RALYL: variants seen among roughly 807,000 people sequenced by gnomAD.
RALYL encodes the protein RALY RNA binding protein like, also known as RNA-binding Raly-like protein.
A neutral mutation model predicts 35.1 loss-of-function variants in RALYL; 29 were observed. The observed-to-expected ratio is 0.83, with a 90% confidence interval of 0.61 to 1.13. RALYL has a LOEUF of 1.13. Among genes scored for constraint, RALYL ranks in the 50% most tolerant of loss-of-function variants. RALYL has a pLI of 0.00. For missense variants in RALYL, 359 were observed against 360.4 expected, an observed-to-expected ratio of 1.00 and a Z score of 0.03; for synonymous variants, 120 against 127.6, an observed-to-expected ratio of 0.94 and a Z score of 0.40.
chr8:84,436,188 A>G (rs1008552759), intron 1 of RALYL, among the ~76,000 whole-genome samples: 1 of 152,136 alleles, frequency 6.6e-6, no homozygotes, highest in Admixed American at 6.6e-5. Context: ...TAAATACTCT[A>G]GATGATTCTG....
intron 1 of RALYL, among the ~76,000 whole-genome samples, chr8:84,223,162 CTT>C (rs1822821784): frequency 9.2e-6 from 1 of 108,862 alleles, no homozygotes; most frequent in African/African-American, 3.7e-5. Flanking sequence ...CCTTTCTTTC[CTT>C]CCTCCCTTCC....
chr8:84,584,406 C>G (rs1323365948), intron 2 of RALYL, among the ~76,000 whole-genome samples: 1 of 152,008 alleles, frequency 6.6e-6, no homozygotes, highest in African/African-American at 2.4e-5. Context: ...AGATAGAGAC[C>G]ACCCTGGCCA....
chr8:84,202,162 C>T (rs1184147063), intron 1 of RALYL, among the ~76,000 whole-genome samples: 1 of 149,768 alleles, frequency 6.7e-6, no homozygotes, highest in Non-Finnish European at 1.5e-5. Context: ...TTTGTATGCA[C>T]TTTTATTTTA....
intron 1 of RALYL, among the ~76,000 whole-genome samples, chr8:84,297,055 AC>A (rs538104666): frequency 0.021 from 3,054 of 143,786 alleles, 106 homozygotes; most frequent in African/African-American, 0.072. Flanking sequence ...TTCTTCATTT[AC>A]AAAAAAAAAA....
At chr8:84,718,499 C>T (rs930638185) in intron 2 of RALYL, among the ~76,000 whole-genome samples, 8 of 152,112 alleles carry the variant, frequency 5.3e-5, no homozygotes, top group African/African-American at 1.9e-4. Context: ...CGCGGTGGCT[C>T]ATGCCTGTAA....
chr8:84,873,405 A>T lies in RALYL; in HGVS notation c.685+8A>T. The T allele has an allele frequency of 6.6e-7, 1 of 1,509,680 alleles. No individual in the cohort carries two copies. The highest frequency in any genetic ancestry group is 9.1e-7 in the Non-Finnish European group (1 of 1,097,274). 93.5% of individuals were successfully genotyped at this position (1,509,680 alleles called of 1,614,324 possible). ...AGCAGAAGGCGGAGGCAGGTAAGTG[A>T]TCTCTGATCACAGACAGGTCAGAAT... is the stretch of plus-strand genomic sequence containing the variant. On this transcript the variant is annotated splice_region_variant and intron_variant, in intron 7 of 8. Coordinates refer to ENST00000521268, the MANE Select transcript of RALYL (RefSeq NM_173848.7).
At chr8:84,448,097 G>A (rs971764498) in intron 1 of RALYL, among the ~76,000 whole-genome samples, 10 of 151,942 alleles carry the variant, frequency 6.6e-5, no homozygotes, top group African/African-American at 2.4e-4. Context: ...AGTGACCAGG[G>A]AATAATGTCA....
At chr8:84,762,933 G>C (rs1395041616) in intron 2 of RALYL, among the ~76,000 whole-genome samples, 2 of 151,984 alleles carry the variant, frequency 1.3e-5, no homozygotes, top group African/African-American at 4.8e-5. Flanking sequence ...CTTCTGCTCA[G>C]AATTCCTAGT....
At chr8:84,915,287 G>A (rs1314772714) in intron 8 of RALYL, among the ~76,000 whole-genome samples, 1 of 151,900 alleles carries the variant, frequency 6.6e-6, no homozygotes, top group African/African-American at 2.4e-5. Context: ...AGGTAACTCA[G>A]CTGTCTTTAA....
chr8:84,432,953 C>T (rs1045343120), intron 1 of RALYL, among the ~76,000 whole-genome samples: 5 of 151,948 alleles, frequency 3.3e-5, no homozygotes, highest in Admixed American at 3.3e-4. Context: ...AGTTAGTGGT[C>T]CTTTGTTATG....
intron 2 of RALYL, among the ~76,000 whole-genome samples, chr8:84,537,341 G>T (rs932449013): frequency 3.3e-5 from 5 of 151,646 alleles, no homozygotes; most frequent in Non-Finnish European, 5.9e-5. Context: ...TTGGTGGCAT[G>T]CACCTGTGAT....
intron 1 of RALYL, among the ~76,000 whole-genome samples, chr8:84,289,083 A>G (rs1838246213): frequency 6.6e-6 from 1 of 152,120 alleles, no homozygotes. Flanking sequence ...CCAAAGGAAA[A>G]ATAAATGTTC....
At chr8:84,728,236 A>C (rs1197993317) in intron 2 of RALYL, among the ~76,000 whole-genome samples, 5 of 151,664 alleles carry the variant, frequency 3.3e-5, no homozygotes, top group South Asian at 2.1e-4. Flanking sequence ...GATGGTGAGC[A>C]TTTTTTCGTG....
At chr8:84,403,131 T>A (rs1278982608) in intron 1 of RALYL, among the ~76,000 whole-genome samples, 1 of 152,248 alleles carries the variant, frequency 6.6e-6, no homozygotes, top group East Asian at 1.9e-4. Context: ...TTCTGATAGT[T>A]TCTTTTTGCT....
At chr8:84,657,401 C>T (rs1830149088) in intron 2 of RALYL, among the ~76,000 whole-genome samples, 2 of 152,124 alleles carry the variant, frequency 1.3e-5, no homozygotes. Flanking sequence ...TCTTCCTTCC[C>T]AGAATCCAAG....
intron 1 of RALYL, among the ~76,000 whole-genome samples, chr8:84,419,812 T>C (rs975660287): frequency 4.6e-5 from 7 of 150,988 alleles, no homozygotes; most frequent in African/African-American, 1.7e-4. Context: ...TTTTTGTTCT[T>C]GCGATAGTTT....
intron 2 of RALYL, among the ~76,000 whole-genome samples, chr8:84,774,212 C>T (rs1181857211): frequency 6.6e-6 from 1 of 152,174 alleles, no homozygotes; most frequent in African/African-American, 2.4e-5. Context: ...GAGCAAAACC[C>T]TGTCTTTTAG....
At chr8:84,879,255 G>A (rs191291334) in intron 7 of RALYL, among the ~76,000 whole-genome samples, 15 of 152,156 alleles carry the variant, frequency 9.9e-5, no homozygotes, top group Non-Finnish European at 2.9e-5. Flanking sequence ...AAGAGGATTG[G>A]TTGAGAAGGA....
chr8:84,716,250 C>G (rs1842927910), intron 2 of RALYL, among the ~76,000 whole-genome samples: 2 of 139,594 alleles, frequency 1.4e-5, no homozygotes, highest in South Asian at 4.3e-4. Context: ...TACCTTTTTT[C>G]TTCCCACACT....
Sources: allele counts gnomAD v4.1 joint callset (sites outside exome capture counted in the v4.1 genomes callset), GRCh38; gene constraint gnomAD v4.1.1; transcripts MANE v1.5; gene names NCBI Gene and HGNC (gene_info 2026-07-23, HGNC 2026-07-21).